Variants in ST8SIA4 observed in about 807,000 individuals in gnomAD.
The protein encoded by ST8SIA4 is ST8 alpha-N-acetyl-neuraminide alpha-2,8-sialyltransferase 4.
Under a neutral mutation model 33.9 loss-of-function variants are expected in ST8SIA4, and 15 were observed. The observed-to-expected ratio is 0.44, with a 90% CI of 0.30 to 0.68. ST8SIA4 has a LOEUF of 0.68. ST8SIA4 is among the 30% of genes least tolerant of loss of function. The pLI, the probability that ST8SIA4 is intolerant of heterozygous loss-of-function variation, is 0.10. For missense variants in ST8SIA4, 321 were observed against 428.0 expected, an observed-to-expected ratio of 0.75 and a Z score of 2.21; for synonymous variants, 171 against 151.2, an observed-to-expected ratio of 1.13 and a Z score of -0.96.
intron 1 of ST8SIA4, 92 bp downstream of exon 1, chr5:100,902,751 A>C: frequency 9.1e-7 from 1 of 1,095,154 alleles, no homozygotes; most frequent in Admixed American, 1.9e-5. Flanking sequence ...ACAAACACAC[A>C]TGCTATCCTA....
chr5:100,898,484 C>T (rs1186980193), intron 1 of ST8SIA4, among the ~76,000 whole-genome samples: 2 of 152,186 alleles, frequency 1.3e-5, no homozygotes, highest in African/African-American at 4.8e-5. Flanking sequence ...TTTTACTCCG[C>T]TGTTTGAATT....
At chr5:100,900,771 G>T (rs1179997368) in intron 1 of ST8SIA4, among the ~76,000 whole-genome samples, 2 of 129,208 alleles carry the variant, frequency 1.5e-5, no homozygotes, top group African/African-American at 5.7e-5. Flanking sequence ...GGGGGGTGGG[G>T]GTGGGGTGGG....
At chr5:100,816,463 G>C (rs377346175) in intron 4 of ST8SIA4, 1 of 516,700 alleles carries the variant, frequency 1.9e-6, no homozygotes, top group African/African-American at 2.0e-5. Context: ...TTTAAATAAA[G>C]AAGTCTAAAA....
intron 4 of ST8SIA4, among the ~76,000 whole-genome samples, chr5:100,835,757 A>G (rs1395171163): frequency 6.6e-6 from 1 of 152,200 alleles, no homozygotes; most frequent in East Asian, 1.9e-4. Context: ...GAATGGACCT[A>G]TCCCCACTTT....
chr5:100,824,723 C>G (rs1036773524), intron 4 of ST8SIA4, among the ~76,000 whole-genome samples: 1 of 151,882 alleles, frequency 6.6e-6, no homozygotes, highest in African/African-American at 2.4e-5. Context: ...GAAAATACAC[C>G]TAATGAGTTC....
At chr5:100,854,349 C>G (rs549688353) in intron 4 of ST8SIA4, among the ~76,000 whole-genome samples, 2 of 151,742 alleles carry the variant, frequency 1.3e-5, no homozygotes, top group Non-Finnish European at 2.9e-5. Context: ...TTTGGGAGGC[C>G]GAGGTGGGTG....
chr5:100,896,854 A>G (rs576837338), intron 1 of ST8SIA4, among the ~76,000 whole-genome samples: 1 of 152,262 alleles, frequency 6.6e-6, no homozygotes, highest in Non-Finnish European at 1.5e-5. Context: ...GAAGGCATAT[A>G]TGCATAATAG....
At chr5:100,827,671 G>A (rs1419979881) in intron 4 of ST8SIA4, among the ~76,000 whole-genome samples, 1 of 152,198 alleles carries the variant, frequency 6.6e-6, no homozygotes, top group Non-Finnish European at 1.5e-5. Flanking sequence ...TGGCAGCTGG[G>A]ATGCCAGAGT....
chr5:100,863,114 G>T (rs151025660), intron 3 of ST8SIA4, among the ~76,000 whole-genome samples: 28 of 152,306 alleles, frequency 1.8e-4, no homozygotes, highest in African/African-American at 6.7e-4. Flanking sequence ...CAAAGGTAGG[G>T]TCTTGGGTGG....
At chr5:100,825,233 T>C (rs114459609) in intron 4 of ST8SIA4, among the ~76,000 whole-genome samples, 3,452 of 152,268 alleles carry the variant, frequency 0.023, 48 homozygotes, top group Non-Finnish European at 0.032. Context: ...ATTCTAAATA[T>C]TGCTAAAGAT....
intron 4 of ST8SIA4, among the ~76,000 whole-genome samples, chr5:100,812,514 G>C (rs1267442117): frequency 2.0e-5 from 3 of 151,376 alleles, no homozygotes; most frequent in Non-Finnish European, 4.4e-5. Flanking sequence ...AATCCTCCCA[G>C]AAAAAAAAGT....
rs768206650 is a variant in ST8SIA4 at position 100,902,984 on chromosome 5, C to A, written c.-29G>T. Reference sequence around the variant, plus strand: ...GGGTGCCCGAGAAAGTCCTGGTTGCCCCAGCTCCCGCACCTTCTCTTGATA... The same window carrying A: ...GGGTGCCCGAGAAAGTCCTGGTTGCACCAGCTCCCGCACCTTCTCTTGATA... On this transcript the variant is annotated 5_prime_UTR_variant, in exon 1 of 5. Coordinates refer to ENST00000231461, the MANE Select transcript of ST8SIA4 (RefSeq NM_005668.6). The A allele has an allele frequency of 3.9e-6, 6 of 1,546,872 alleles. No homozygotes were observed. The highest frequency in any genetic ancestry group is 5.4e-6 in the Non-Finnish European group (6 of 1,118,868).
At chr5:100,856,626 G>A (rs999741737) in intron 3 of ST8SIA4, among the ~76,000 whole-genome samples, 3 of 152,156 alleles carry the variant, frequency 2.0e-5, no homozygotes, top group Admixed American at 6.5e-5. Flanking sequence ...AATGCCTCTT[G>A]TATGAATTCA....
intron 2 of ST8SIA4, among the ~76,000 whole-genome samples, chr5:100,894,594 C>G (rs1752739806): frequency 6.6e-6 from 1 of 152,008 alleles, no homozygotes; most frequent in South Asian, 2.1e-4. Flanking sequence ...TTTAAAATTT[C>G]CAGACATTCG....
Position 100,902,369 on chromosome 5 carries a change from G to GAA in ST8SIA4, c.113+472_113+473dup, listed in dbSNP as rs376758136. Among the ~76,000 whole-genome samples the GAA allele has an allele frequency of 8.9e-4, 130 of 145,646 alleles. 1 individual carries two copies. The highest frequency in any genetic ancestry group is 3.5e-3 in the Middle Eastern group (1 of 286). On this transcript the variant is annotated intron_variant, in intron 1 of 4. Transcript: ENST00000231461. Reference sequence around the variant, plus strand: ...ACATTAATCTATCCAACGTCAAATAGAAAAAAAAAAAGTAGAGAAACAGAG... The same window carrying GAA: ...ACATTAATCTATCCAACGTCAAATAGAAAAAAAAAAAAAGTAGAGAAACAGAG...
chr5:100,851,195 A>G (rs900096200), intron 4 of ST8SIA4, among the ~76,000 whole-genome samples: 1 of 151,814 alleles, frequency 6.6e-6, no homozygotes, highest in South Asian at 2.1e-4. Context: ...TCCTGATCTC[A>G]AGTGATCCAC....
At chr5:100,836,851 T>G (rs191622857) in intron 4 of ST8SIA4, among the ~76,000 whole-genome samples, 1 of 152,186 alleles carries the variant, frequency 6.6e-6, no homozygotes, top group East Asian at 1.9e-4. Flanking sequence ...AAATTGCTAC[T>G]GTTCCGTACT....
rs1412320214 is a variant in ST8SIA4 at position 100,902,952 on chromosome 5, G to A, written c.4C>T (p.Arg2Cys). 6.2e-7 allele frequency: 1 copy of A among 1,613,584 alleles called. No individual in the cohort carries two copies. Among genetic ancestry groups the A allele is most frequent in the Admixed American group, 1.7e-5 (1 of 60,028 alleles). Reference protein sequence around the residue: MRSIRKRWTICT... With the variant: MCSIRKRWTICT... ...ATCGTCCACCTCTTCCTAATGGAGC[G>A]CATCTTGGGTGCCCGAGAAAGTCCT... is the stretch of plus-strand genomic sequence containing the variant. The change falls in exon 1 of 5, where the codon CGC becomes TGC. Residue 2 changes from arginine (R) to cysteine (C), a missense_variant. Arg to Cys is a radical substitution (Grantham distance 180, BLOSUM62 -3). Transcript: ENST00000231461.
chr5:100,902,815 A>G (rs749994506), intron 1 of ST8SIA4, 28 bp downstream of exon 1: 6 of 1,563,306 alleles, frequency 3.8e-6, no homozygotes, highest in African/African-American at 1.4e-5. Flanking sequence ...ACTTTTTGTC[A>G]TATCCTGAAA....
Sources: allele counts gnomAD v4.1 joint callset (sites outside exome capture counted in the v4.1 genomes callset), GRCh38; gene constraint gnomAD v4.1.1; transcripts MANE v1.5; gene names NCBI Gene and HGNC (gene_info 2026-07-23, HGNC 2026-07-21).